Variants in COL4A4 observed in about 807,000 individuals in gnomAD.
COL4A4 encodes the protein collagen type IV alpha 4 chain, also known as collagen alpha-4(IV) chain.
Under a neutral mutation model 192.9 loss-of-function variants are expected in COL4A4, and 105 were observed. The ratio of observed to expected loss-of-function variants is 0.54; its 90% confidence interval spans 0.46 to 0.64. The LOEUF (loss-of-function observed/expected upper bound fraction) is 0.64, where lower values mean the gene tolerates loss of function less well. COL4A4 is among the 30% of genes least tolerant of loss of function. The pLI is 0.00. For synonymous variants in COL4A4, 762 were observed against 769.9 expected (o/e 0.99, Z 0.17); for missense variants, 1,967 against 2,169.3 (o/e 0.91, Z 1.85).
rs1018063410 is a variant in COL4A4 at position 227,021,905 on chromosome 2, G to C, written c.4216+143C>G. On this transcript the variant is annotated intron_variant, in intron 44 of 47. Coordinates refer to ENST00000396625, the MANE Select transcript of COL4A4 (RefSeq NM_000092.5). ...CCATGATTGATGTACTTTGGATCAA[G>C]GTAGAAACAAATTGCAAAGGGAAAG... The C allele has an allele frequency of 4.7e-6, 4 of 850,880 alleles. No homozygotes were observed. The South Asian group carries it at 6.8e-5, about 14-fold the overall frequency. 52.7% of individuals were successfully genotyped at this position (850,880 alleles called of 1,614,324 possible).
rs9711912 is a variant in COL4A4 at position 227,066,310 on chromosome 2, G to A, written c.1988-3712C>T. On this transcript the variant is annotated intron_variant, in intron 25 of 47. Transcript: ENST00000396625. ...ACACTCTGCAGGATATTATCCAGGA[G>A]AACTTCCCCAATCTAGCAAGGCAGG... Among the ~76,000 whole-genome samples the A allele has an allele frequency of 1.5e-4, 23 of 152,110 alleles. No individual in the cohort carries two copies. In the South Asian group the frequency reaches 1.7e-3, roughly 11 times the overall value.
At chr2:227,030,979 C>T (rs925335500) in intron 40 of COL4A4, among the ~76,000 whole-genome samples, 7 of 131,988 alleles carry the variant, frequency 5.3e-5, no homozygotes, top group Non-Finnish European at 8.0e-5. Context: ...GGTGGATAGA[C>T]GGTTGGATGG....
chr2:227,103,328 C>A, intron 13 of COL4A4, 131 bp from the exon 14 acceptor site: 1 of 730,120 alleles, frequency 1.4e-6, no homozygotes, highest in Non-Finnish European at 2.3e-6. Context: ...GATTACTCTT[C>A]ACCTGTTCTA....
intron 22 of COL4A4, among the ~76,000 whole-genome samples, chr2:227,083,959 G>T (rs1032339582): frequency 6.6e-6 from 1 of 152,088 alleles, no homozygotes; most frequent in Admixed American, 6.5e-5. Context: ...TGGACAACAG[G>T]GTTGGAAGCC....
intron 22 of COL4A4, among the ~76,000 whole-genome samples, chr2:227,083,233 A>AAT (rs1230339044): frequency 7.2e-5 from 11 of 151,916 alleles, no homozygotes; most frequent in African/African-American, 1.5e-4. Flanking sequence ...TGTGTCAAAA[A>AAT]ATATATATAT....
intron 33 of COL4A4, 47 bp from the exon 34 acceptor site, chr2:227,050,178 A>T: frequency 6.6e-7 from 1 of 1,505,728 alleles, no homozygotes; most frequent in Non-Finnish European, 9.2e-7. Context: ...TTCAAATACA[A>T]ATGGCACATG....
intron 46 of COL4A4, among the ~76,000 whole-genome samples, chr2:227,009,836 C>T (rs1963233304): frequency 6.6e-6 from 1 of 151,926 alleles, no homozygotes; most frequent in East Asian, 1.9e-4. Flanking sequence ...AGATGACCCT[C>T]AAAATAAAGT....
intron 22 of COL4A4, among the ~76,000 whole-genome samples, chr2:227,084,586 A>T (rs1445719051): frequency 6.6e-6 from 1 of 152,142 alleles, no homozygotes; most frequent in Non-Finnish European, 1.5e-5. Context: ...TTACTAAACC[A>T]TTGTTTAGTA....
In COL4A4 at chr2:227,002,943, C is replaced by T. The variant is rs1961339599; in HGVS notation, c.*4382G>A. The T allele has an allele frequency of 6.6e-6, 1 of 152,670 alleles. No individual in the cohort carries two copies. The highest frequency in any genetic ancestry group is 2.1e-4 in the South Asian group (1 of 4,832). 9.5% of individuals were successfully genotyped at this position (152,670 alleles called of 1,614,324 possible). On this transcript the variant is annotated 3_prime_UTR_variant, in exon 48 of 48. Coordinates refer to ENST00000396625, the MANE Select transcript of COL4A4 (RefSeq NM_000092.5). Reference sequence around the variant, plus strand: ...AGCACCATAAAATTCAAGCATTTCACATGGATGTGGCAGCCAGCCTTGGTG... The same window carrying T: ...AGCACCATAAAATTCAAGCATTTCATATGGATGTGGCAGCCAGCCTTGGTG...
At chr2:227,080,583 T>G in intron 23 of COL4A4, 34 bp from the exon 24 acceptor site, 1 of 1,570,416 alleles carries the variant, frequency 6.4e-7, no homozygotes, top group Non-Finnish European at 8.8e-7. Flanking sequence ...TTCAAGCTCT[T>G]ATCAGCAGAG....
chr2:227,055,888 G>A, intron 30 of COL4A4, 57 bp downstream of exon 30: 2 of 1,487,192 alleles, frequency 1.3e-6, no homozygotes, highest in Non-Finnish European at 1.9e-6. Flanking sequence ...GTCTTCACTT[G>A]GCAGTGGATT....
chr2:227,138,940 C>T (rs556463903), intron 4 of COL4A4, among the ~76,000 whole-genome samples: 4 of 152,294 alleles, frequency 2.6e-5, no homozygotes, highest in African/African-American at 9.6e-5. Context: ...CTACAATTGA[C>T]TTGAACACTG....
chr2:227,105,669 T>G (rs1328120170), intron 12 of COL4A4, among the ~76,000 whole-genome samples: 1 of 152,164 alleles, frequency 6.6e-6, no homozygotes, highest in Non-Finnish European at 1.5e-5. Flanking sequence ...AATTAGAAAA[T>G]AAATATTTTG....
intron 25 of COL4A4, among the ~76,000 whole-genome samples, chr2:227,064,144 G>A (rs116212379): frequency 4.9e-4 from 75 of 152,108 alleles, no homozygotes; most frequent in African/African-American, 1.8e-3. Context: ...CTTTCTGGGT[G>A]AAAACATCAT....
At chr2:226,986,956 A>G in the COL4A4 span, among the ~76,000 whole-genome samples, 150 of 152,378 alleles carry the variant, frequency 9.8e-4, 1 homozygote, top group African/African-American at 3.4e-3. Flanking sequence ...GACTGGATAA[A>G]GAAAATGTGG....
At chr2:227,097,878 A>G (rs1394055119) in intron 19 of COL4A4, among the ~76,000 whole-genome samples, 3 of 152,246 alleles carry the variant, frequency 2.0e-5, no homozygotes, top group African/African-American at 4.8e-5. Flanking sequence ...AACAAGAGAC[A>G]CAGGCTGGGT....
At chr2:227,041,846 A>AAGAAAGAAAGAAAGAAAGAGAGAGAG (rs1559478097) in intron 37 of COL4A4, among the ~76,000 whole-genome samples, 3 of 39,296 alleles carry the variant, frequency 7.6e-5, no homozygotes, top group Admixed American at 2.9e-4. Flanking sequence ...GAAAGAAAGA[A>AAGAAAGAAAGAAAGAAAGAGAGAGAG]AGAGAAAGAA....
chr2:227,011,409 G>A (rs1963670652), intron 45 of COL4A4, among the ~76,000 whole-genome samples: 1 of 152,130 alleles, frequency 6.6e-6, no homozygotes, highest in Admixed American at 6.5e-5. Context: ...AGTGTAGAGT[G>A]TAGGCCCACA....
Position 227,089,836 on chromosome 2 carries a change from T to C in COL4A4, c.1459+32A>G, listed in dbSNP as rs375843806. 282 of 1,544,476 alleles carry C rather than the reference T, an allele frequency of 1.8e-4. 1 individual carries two copies. The highest frequency in any genetic ancestry group is 2.4e-4 in the Non-Finnish European group (271 of 1,117,170). Reference sequence around the variant, plus strand: ...CCCCGATCATCCATGTACAGTTGTCTTCTAGAAATTCTACCTTTGGTGCCT... The same window carrying C: ...CCCCGATCATCCATGTACAGTTGTCCTCTAGAAATTCTACCTTTGGTGCCT... On this transcript the variant is annotated intron_variant, in intron 21 of 47. Transcript: ENST00000396625.
Sources: allele counts gnomAD v4.1 joint callset (sites outside exome capture counted in the v4.1 genomes callset), GRCh38; gene constraint gnomAD v4.1.1; transcripts MANE v1.5; gene names NCBI Gene and HGNC (gene_info 2026-07-23, HGNC 2026-07-21).